LRMDA: variants seen among roughly 807,000 people sequenced by gnomAD.
LRMDA encodes the protein leucine-rich melanocyte differentiation-associated protein.
Under a neutral mutation model 29.8 loss-of-function variants are expected in LRMDA, and 18 were observed. The ratio of observed to expected loss-of-function variants is 0.60; its 90% CI spans 0.42 to 0.90. The LOEUF (loss-of-function observed/expected upper bound fraction) is 0.90. Among genes scored for constraint, LRMDA ranks in the 40% least tolerant of loss-of-function variants. The pLI is 0.00. For missense variants in LRMDA, 273 were observed against 273.9 expected, an observed-to-expected ratio of 1.00 and a Z score of 0.02; for synonymous variants, 125 against 109.4, an observed-to-expected ratio of 1.14 and a Z score of -0.89.
intron 2 of LRMDA, among the ~76,000 whole-genome samples, chr10:75,442,363 G>A (rs1255638115): frequency 6.6e-6 from 1 of 152,132 alleles, no homozygotes; most frequent in African/African-American, 2.4e-5. Context: ...ATTACATTAT[G>A]TTTAAGTTCT....
intron 2 of LRMDA, among the ~76,000 whole-genome samples, chr10:75,472,545 A>C (rs1253425721): frequency 6.6e-6 from 1 of 152,220 alleles, no homozygotes; most frequent in African/African-American, 2.4e-5. Context: ...CCCTTTTATG[A>C]TCAGTGTGCA....
At chr10:75,960,563 G>A (rs1413743318) in intron 2 of LRMDA, among the ~76,000 whole-genome samples, 5 of 152,094 alleles carry the variant, frequency 3.3e-5, no homozygotes, top group Non-Finnish European at 7.4e-5. Context: ...TTCCATGATT[G>A]GGAAGAAATT....
At chr10:75,846,171 GTGTGTT>G (rs1489288192) in intron 2 of LRMDA, among the ~76,000 whole-genome samples, 1,367 of 118,126 alleles carry the variant, frequency 0.012, 16 homozygotes, top group African/African-American at 0.044. Flanking sequence ...TTATTTGTGT[GTGTGTT>G]TGTGTGTGTG....
intron 2 of LRMDA, among the ~76,000 whole-genome samples, chr10:76,008,153 G>A (rs1847706431): frequency 6.6e-6 from 1 of 152,188 alleles, no homozygotes; most frequent in Admixed American, 6.5e-5. Context: ...CATTGCCGGG[G>A]TGTTTGCGTT....
chr10:76,114,613 A>T (rs568032172), intron 5 of LRMDA, among the ~76,000 whole-genome samples: 47 of 152,292 alleles, frequency 3.1e-4, no homozygotes, highest in African/African-American at 1.1e-3. Context: ...TCGAGTTTAC[A>T]TAGGTAGGAG....
At chr10:76,425,953 A>G (rs1481283271) in intron 6 of LRMDA, among the ~76,000 whole-genome samples, 1 of 152,194 alleles carries the variant, frequency 6.6e-6, no homozygotes, top group African/African-American at 2.4e-5. Context: ...ATGGCTGCAT[A>G]GTATTCCATG....
At chr10:76,503,503 G>C (rs1842931698) in intron 6 of LRMDA, among the ~76,000 whole-genome samples, 2 of 148,064 alleles carry the variant, frequency 1.4e-5, no homozygotes, top group South Asian at 4.3e-4. Context: ...ATTCAATTTT[G>C]AATGTGTTAT....
intron 2 of LRMDA, among the ~76,000 whole-genome samples, chr10:75,751,071 C>T (rs868313352): frequency 1.4e-4 from 21 of 152,342 alleles, no homozygotes; most frequent in African/African-American, 4.3e-4. Flanking sequence ...CCCGGCACCT[C>T]CGGAGTCTGA....
chr10:75,647,126 T>C (rs1374419607), intron 2 of LRMDA, among the ~76,000 whole-genome samples: 2 of 152,236 alleles, frequency 1.3e-5, no homozygotes, highest in Non-Finnish European at 2.9e-5. Context: ...TGCCAGACTT[T>C]CCTGAGGCCT....
At chr10:75,813,317 C>T (rs143994000) in intron 2 of LRMDA, among the ~76,000 whole-genome samples, 24 of 152,320 alleles carry the variant, frequency 1.6e-4, no homozygotes, top group African/African-American at 5.1e-4. Flanking sequence ...AGTGCCGACC[C>T]ACGGGGAGAA....
intron 2 of LRMDA, among the ~76,000 whole-genome samples, chr10:75,925,003 TTGGCCGATTTC>T (rs1277710586): frequency 1.3e-5 from 2 of 152,166 alleles, no homozygotes; most frequent in Non-Finnish European, 2.9e-5. Context: ...TCGGGTTGCC[TTGGCCGATTTC>T]TGGCTTTTCA....
intron 2 of LRMDA, among the ~76,000 whole-genome samples, chr10:75,537,519 G>A (rs1409445432): frequency 6.6e-6 from 1 of 152,186 alleles, no homozygotes; most frequent in Non-Finnish European, 1.5e-5. Context: ...ACAGTGCCTG[G>A]CATAATTTAT....
At chr10:75,963,604 G>A (rs1050169641) in intron 2 of LRMDA, among the ~76,000 whole-genome samples, 2 of 152,172 alleles carry the variant, frequency 1.3e-5, no homozygotes, top group Admixed American at 1.3e-4. Flanking sequence ...GGGAGCTTGG[G>A]TTCCAACCTC....
At chr10:75,906,177 A>G (rs982717024) in intron 2 of LRMDA, among the ~76,000 whole-genome samples, 3 of 152,116 alleles carry the variant, frequency 2.0e-5, no homozygotes, top group Non-Finnish European at 2.9e-5. Context: ...AGAATATAGG[A>G]ATGAAATTGC....
chr10:76,284,508 T>C (rs2132338449), intron 5 of LRMDA, among the ~76,000 whole-genome samples: 1 of 152,276 alleles, frequency 6.6e-6, no homozygotes, highest in South Asian at 2.1e-4. Context: ...AATGAACTTG[T>C]GTTGTTTGAA....
At chr10:76,459,896 A>AC (rs1842494806) in intron 6 of LRMDA, among the ~76,000 whole-genome samples, 2 of 152,166 alleles carry the variant, frequency 1.3e-5, no homozygotes, top group African/African-American at 4.8e-5. Context: ...CACTCAGAAC[A>AC]ATGAGAAATT....
chr10:76,477,089 T>A (rs1842681998), intron 6 of LRMDA, among the ~76,000 whole-genome samples: 1 of 152,062 alleles, frequency 6.6e-6, no homozygotes, highest in Admixed American at 6.6e-5. Context: ...GGCATTCAAT[T>A]AGGAAAAGAG....
At chr10:76,505,474 A>T (rs1377024692) in intron 6 of LRMDA, among the ~76,000 whole-genome samples, 4 of 152,008 alleles carry the variant, frequency 2.6e-5, no homozygotes, top group Non-Finnish European at 5.9e-5. Flanking sequence ...ATTATTTTTT[A>T]AAAAATTTTT....
In LRMDA at chr10:75,971,656, C is replaced by T. The variant is rs147484560; in HGVS notation, c.132-64352C>T. On this transcript the variant is annotated intron_variant, in intron 2 of 6. Transcript: ENST00000611255. ...CCTCTTGGACTCTTGGAAAAACACT[C>T]CAACTGCAATTTCCTTCCATCTATT... is the stretch of plus-strand genomic sequence containing the variant. 2.3e-3 allele frequency among the ~76,000 whole-genome samples: 348 copies of T among 152,318 alleles called. 2 individuals are homozygous for T. Among genetic ancestry groups the T allele is most frequent in the African/African-American group, 7.8e-3 (326 of 41,568 alleles).
Sources: allele counts gnomAD v4.1 joint callset (sites outside exome capture counted in the v4.1 genomes callset), GRCh38; gene constraint gnomAD v4.1.1; transcripts MANE v1.5; gene names NCBI Gene and HGNC (gene_info 2026-07-23, HGNC 2026-07-21).